Variants in CSAD observed in about 807,000 individuals in gnomAD.
The protein encoded by CSAD is P-selectin cytoplasmic tail-associated protein.
Under a neutral mutation model 61.5 loss-of-function variants are expected in CSAD, and 47 were observed. The observed-to-expected ratio is 0.76, with a 90% CI of 0.60 to 0.97. The LOEUF is 0.97. Ranked by LOEUF, CSAD falls within the 50% of genes least tolerant of loss-of-function variation. The probability of loss-of-function intolerance (pLI) is 0.00; values close to 1 mark genes in which losing one functional copy is unlikely to be tolerated. For missense variants in CSAD, 611 were observed against 643.6 expected, an observed-to-expected ratio of 0.95 and a Z score of 0.55; for synonymous variants, 245 against 252.7, an observed-to-expected ratio of 0.97 and a Z score of 0.29.
chr12:53,172,468 A>G, intron 5 of CSAD, 32 bp from the exon 6 acceptor site: 1 of 1,613,758 alleles, frequency 6.2e-7, no homozygotes, highest in Non-Finnish European at 8.5e-7. Flanking sequence ...GGGAGCTCAG[A>G]GTAGAGCTCA....
intron 2 of CSAD, among the ~76,000 whole-genome samples, chr12:53,175,687 T>G (rs547337760): frequency 6.6e-6 from 1 of 152,314 alleles, no homozygotes; most frequent in South Asian, 2.1e-4. Flanking sequence ...TACATAAACA[T>G]TTGTTAAATC....
intron 1 of CSAD, chr12:53,180,160 G>A (rs892106574): frequency 3.2e-6 from 4 of 1,253,724 alleles, no homozygotes; most frequent in Non-Finnish European, 4.0e-6. Context: ...TCAGACTGTG[G>A]TTGAGCGCAC....
intron 6 of CSAD, 140 bp from the exon 7 acceptor site, chr12:53,172,128 C>G: frequency 1.4e-6 from 1 of 730,656 alleles, no homozygotes; most frequent in East Asian, 2.7e-5. Flanking sequence ...GAGTTGGTGA[C>G]AGAACCAGGG....
At chr12:53,179,030 T>C (rs1262868193) in intron 2 of CSAD, 72 bp downstream of exon 2, 3 of 152,150 alleles carry the variant, frequency 2.0e-5, no homozygotes, top group African/African-American at 4.8e-5. Flanking sequence ...ATTTTGTATT[T>C]TTAGAAGAGA....
chr12:53,176,849 CAGCCTCCTG>C (rs1941145529), intron 2 of CSAD, among the ~76,000 whole-genome samples: 1 of 152,156 alleles, frequency 6.6e-6, no homozygotes, highest in Admixed American at 6.5e-5. Context: ...TCTCCCACCT[CAGCCTCCTG>C]AGTAGCTAGG....
At chr12:53,181,314 C>T (rs917013964), upstream of CSAD, 1 of 985,446 alleles carries the variant, frequency 1.0e-6, no homozygotes, top group South Asian at 4.7e-5. Context: ...GGCCCTTGAG[C>T]TTTCCTCCAC....
In CSAD at chr12:53,158,504, A is replaced by G; in HGVS notation, c.*7T>C. 1 of 1,609,878 alleles carries G rather than the reference A, an allele frequency of 6.2e-7. No homozygotes were observed. The highest frequency in any genetic ancestry group is 1.1e-5 in the South Asian group (1 of 90,978). The stretch of plus-strand genomic sequence containing the variant: ...GGTATCAAGGCCGGCAGCAAGACAG[A>G]GAAGGCTCACAGGTCCTGGCCTAGC... On this transcript the variant is annotated 3_prime_UTR_variant, in exon 17 of 17. Transcript: ENST00000444623.
chr12:53,165,765 C>G (rs1322680968), intron 10 of CSAD, among the ~76,000 whole-genome samples: 1 of 151,928 alleles, frequency 6.6e-6, no homozygotes, highest in Non-Finnish European at 1.5e-5. Context: ...ACTGGTACAG[C>G]CACTATAGAA....
At position 53,160,135 on chromosome 12, in the gene CSAD, G is replaced by C; in HGVS notation, c.1151C>G (p.Ala384Gly). 6.2e-7 allele frequency: 1 copy of C among 1,613,396 alleles called. No individual in the cohort carries two copies. Among genetic ancestry groups the C allele is most frequent in the Non-Finnish European group, 8.5e-7 (1 of 1,180,036 alleles). ...DQGLERRIDQ[A>G]FVLARYLVEE... ...TCCCGCCTACCGGGCAAGGACAAAG[G>C]CCTGGTCGATGCGCCGCTCCAGCCC... is the stretch of plus-strand genomic sequence containing the variant. The change falls in exon 14 of 17, where the codon GCC becomes GGC. Residue 384 changes from alanine to glycine, a missense_variant. Ala to Gly is a moderately conservative substitution (Grantham distance 60). Transcript: ENST00000444623.
intron 2 of CSAD, chr12:53,178,405 T>C (rs1187475054): frequency 1.1e-5 from 5 of 456,032 alleles, no homozygotes; most frequent in South Asian, 6.2e-5. Flanking sequence ...GATGGGAGGA[T>C]TCCTTGAGCC....
Position 53,180,915 on chromosome 12 carries a change from C to T in CSAD, c.-274G>A, listed in dbSNP as rs1474121460. The T allele has an allele frequency of 3.9e-6, 4 of 1,015,728 alleles. No homozygotes were observed. Among genetic ancestry groups the T allele is most frequent in the Middle Eastern group, 4.4e-4 (1 of 2,296 alleles). 62.9% of individuals were successfully genotyped at this position (1,015,728 alleles called of 1,614,324 possible). On this transcript the variant is annotated 5_prime_UTR_variant, in exon 1 of 17. Coordinates refer to ENST00000444623, the MANE Select transcript of CSAD (RefSeq NM_001244705.2). ...CAGTAGCTCGCAAGCCGTGGGGTGC[C>T]GCGCGGGAAGGGGGAGGGGAGGGGA...
intron 13 of CSAD, 81 bp from the exon 14 acceptor site, chr12:53,160,400 C>T (rs1004265638): frequency 4.4e-6 from 6 of 1,364,910 alleles, no homozygotes; most frequent in Non-Finnish European, 6.2e-6. Context: ...GGGGTCTTAG[C>T]TCAGGATACC....
intron 10 of CSAD, chr12:53,164,385 G>C (rs1024872652): frequency 4.1e-6 from 1 of 243,728 alleles, no homozygotes; most frequent in African/African-American, 2.2e-5. Flanking sequence ...TACAAACCAT[G>C]AAGTATTATG....
In CSAD at chr12:53,172,436, C is replaced by T. The variant is rs758632278; in HGVS notation, c.254G>A (p.Gly85Asp). Residue 85 changes from glycine to aspartate, a missense_variant and splice_region_variant, in exon 6 of 17, where the codon GGT becomes GAT. Coordinates refer to ENST00000444623, the MANE Select transcript of CSAD (RefSeq NM_001244705.2). ...GAGCTGGTTGAAGAACCGAGGGTGA[C>T]CTGGAGAAGGAGAGTAAGCCAGGGA... The part of the protein sequence containing the change: ...RAVIRYSVKT[G>D]HPRFFNQLFS... 8.1e-6 allele frequency: 13 copies of T among 1,614,012 alleles called. No homozygotes were observed. The highest frequency in any genetic ancestry group is 1.7e-5 in the Admixed American group (1 of 60,002).
chr12:53,175,482 A>G (rs575733906), intron 2 of CSAD, among the ~76,000 whole-genome samples: 1 of 152,308 alleles, frequency 6.6e-6, no homozygotes, highest in East Asian at 1.9e-4. Context: ...GTGGCTCCAC[A>G]CCCACATTAA....
chr12:53,178,259 G>A (rs2121521795), intron 2 of CSAD: 1 of 426,406 alleles, frequency 2.3e-6, no homozygotes, highest in East Asian at 7.1e-5. Context: ...GATAGCTTGA[G>A]CCTAGGAATT....
chr12:53,172,378 C>T lies in CSAD; in HGVS notation c.312G>A (p.Gly104=), dbSNP rs80262841. ...TGTTGAGGCTCTCAGTGATAATGCG[C>T]CCGGCCAGAGCATGGGGATCCAACC... ...FSGLDPHALA[G]RIITESLNTS... Residue 104 remains glycine (G), a synonymous_variant, in exon 6 of 17, where the codon GGG becomes GGA. Coordinates refer to ENST00000444623, the MANE Select transcript of CSAD (RefSeq NM_001244705.2). 1.2e-6 allele frequency: 2 copies of T among 1,614,040 alleles called. No homozygotes were observed. The highest frequency in any genetic ancestry group is 2.2e-5 in the East Asian group (1 of 44,870).
At chr12:53,162,673 A>G (rs1939423566) in intron 10 of CSAD, among the ~76,000 whole-genome samples, 1 of 152,176 alleles carries the variant, frequency 6.6e-6, no homozygotes, top group South Asian at 2.1e-4. Flanking sequence ...CTGTAATCCC[A>G]GCACTTTGGG....
At chr12:53,165,927 C>CAT in intron 10 of CSAD, among the ~76,000 whole-genome samples, 1 of 152,256 alleles carries the variant, frequency 6.6e-6, no homozygotes, top group Middle Eastern at 3.4e-3. Context: ...CAAAATATGG[C>CAT]ATATATGTAC....
Sources: gnomAD v4.1 joint callset for allele counts (sites outside exome capture counted in the v4.1 genomes callset) on GRCh38, gnomAD v4.1.1 for gene constraint, MANE v1.5 for transcripts, NCBI Gene and HGNC (gene_info 2026-07-23, HGNC 2026-07-21) for gene names.